FER: variants seen among roughly 807,000 people sequenced by gnomAD.
FER encodes the protein tyrosine-protein kinase Fer.
FER carries 63 observed loss-of-function variants against 111.0 expected under a neutral mutation model. That is an observed-to-expected ratio of 0.57 (90% CI 0.46 to 0.70). FER has a LOEUF of 0.70. FER is among the 30% of genes least tolerant of loss of function. The pLI, the probability that FER is intolerant of heterozygous loss-of-function variation, is 0.00. For synonymous variants in FER, 327 were observed against 313.9 expected (o/e 1.04, Z -0.44); for missense variants, 914 against 954.0 (o/e 0.96, Z 0.55).
In FER at chr5:108,844,108, A is replaced by ACATATATGTGTGTGAACATATATG. The variant is rs1554076459; in HGVS notation, c.481+8301_481+8302insCATATATGTGTGTGAACATATATG. Among the ~76,000 whole-genome samples, 93 of 92,618 alleles carry ACATATATGTGTGTGAACATATATG rather than the reference A, an allele frequency of 1.0e-3. 6 individuals are homozygous for ACATATATGTGTGTGAACATATATG. The highest frequency in any genetic ancestry group is 3.7e-3 in the African/African-American group (82 of 22,108). 60.8% of individuals were successfully genotyped at this position (92,618 alleles called of 152,430 possible). A position where few individuals can be genotyped will look rare whatever the true frequency, so the allele number is the denominator to read the frequency against. On this transcript the variant is annotated intron_variant, in intron 5 of 19. Coordinates refer to ENST00000281092, the MANE Select transcript of FER (RefSeq NM_005246.4). The stretch of plus-strand genomic sequence containing the variant: ...TGCGTGTGAACATATGTGTGTGAAC[A>ACATATATGTGTGTGAACATATATG]TGTGTGTGAACACATATATGTGTGT...
At chr5:109,009,044 CTTTTT>C (rs1030906789) in intron 13 of FER, among the ~76,000 whole-genome samples, 3 of 115,996 alleles carry the variant, frequency 2.6e-5, no homozygotes, top group Non-Finnish European at 5.1e-5. Context: ...CCTCTTCAGT[CTTTTT>C]TTTTTTTTTT....
intron 3 of FER, among the ~76,000 whole-genome samples, chr5:108,800,326 C>T (rs564271185): frequency 1.3e-5 from 2 of 152,196 alleles, no homozygotes; most frequent in Admixed American, 6.5e-5. Flanking sequence ...TGAGAACTCA[C>T]AGAAAATCAA....
At chr5:109,071,436 T>A (rs1174242954) in intron 16 of FER, among the ~76,000 whole-genome samples, 1 of 152,074 alleles carries the variant, frequency 6.6e-6, no homozygotes, top group Non-Finnish European at 1.5e-5. Context: ...CCACATGACA[T>A]CACTGGTGAT....
chr5:109,097,276 G>T (rs551506680), intron 16 of FER, among the ~76,000 whole-genome samples: 2 of 151,806 alleles, frequency 1.3e-5, no homozygotes, highest in Non-Finnish European at 1.5e-5. Context: ...TAAGAACATT[G>T]TAAGTATTGT....
intron 13 of FER, among the ~76,000 whole-genome samples, chr5:108,977,670 A>G (rs1761541581): frequency 6.6e-6 from 1 of 152,138 alleles, no homozygotes; most frequent in Non-Finnish European, 1.5e-5. Flanking sequence ...ACATATTTGG[A>G]ATGTTTATAT....
chr5:109,029,126 G>A (rs192407306), intron 13 of FER, among the ~76,000 whole-genome samples: 123 of 151,970 alleles, frequency 8.1e-4, no homozygotes, highest in African/African-American at 2.9e-3. Flanking sequence ...GAATGAAACA[G>A]ACCTACTTTG....
At chr5:108,863,266 T>A (rs1278700949) in intron 5 of FER, among the ~76,000 whole-genome samples, 1 of 152,106 alleles carries the variant, frequency 6.6e-6, no homozygotes, top group Non-Finnish European at 1.5e-5. Context: ...ACCACAGGCA[T>A]GCACCACCAC....
chr5:109,091,862 GAATA>G (rs1397124500), intron 16 of FER, among the ~76,000 whole-genome samples: 1 of 152,032 alleles, frequency 6.6e-6, no homozygotes, highest in Non-Finnish European at 1.5e-5. Flanking sequence ...CTTCAGAGGT[GAATA>G]AATAAAGAGG....
At chr5:108,865,283 A>G (rs1447878549) in intron 5 of FER, among the ~76,000 whole-genome samples, 1 of 152,166 alleles carries the variant, frequency 6.6e-6, no homozygotes, top group Non-Finnish European at 1.5e-5. Context: ...CTAAATAAAC[A>G]ATCATGTCAT....
At chr5:109,171,467 C>T (rs1438699995) in intron 17 of FER, among the ~76,000 whole-genome samples, 2 of 152,142 alleles carry the variant, frequency 1.3e-5, no homozygotes, top group Non-Finnish European at 2.9e-5. Context: ...ATTGAAAGAG[C>T]ATGGGTTATA....
At chr5:109,068,408 T>C (rs1188068513) in intron 16 of FER, among the ~76,000 whole-genome samples, 1 of 152,116 alleles carries the variant, frequency 6.6e-6, no homozygotes, top group Non-Finnish European at 1.5e-5. Context: ...GGTATCGAAC[T>C]CCTGACCTTG....
chr5:109,054,956 GCCAATA>G (rs1352978791), intron 16 of FER, among the ~76,000 whole-genome samples: 1 of 151,960 alleles, frequency 6.6e-6, no homozygotes, highest in Non-Finnish European at 1.5e-5. Context: ...TTGTCTCCAT[GCCAATA>G]CCACAATGTC....
At chr5:109,158,580 T>A (rs1433234581) in intron 17 of FER, among the ~76,000 whole-genome samples, 1 of 152,166 alleles carries the variant, frequency 6.6e-6, no homozygotes, top group Non-Finnish European at 1.5e-5. Context: ...GCTTTGATAT[T>A]CTTTTAAATC....
At chr5:108,829,258 T>C (rs967499941) in intron 3 of FER, among the ~76,000 whole-genome samples, 3 of 152,240 alleles carry the variant, frequency 2.0e-5, no homozygotes, top group African/African-American at 7.2e-5. Flanking sequence ...GCTGCTCTGC[T>C]ATTTCTGTTA....
intron 10 of FER, among the ~76,000 whole-genome samples, chr5:108,909,513 A>G (rs1327471064): frequency 6.6e-6 from 1 of 152,178 alleles, no homozygotes; most frequent in Non-Finnish European, 1.5e-5. Context: ...GGAAGGAGAA[A>G]CAACTCATTC....
At chr5:109,007,486 CT>C (rs1765654262) in intron 13 of FER, among the ~76,000 whole-genome samples, 1 of 152,180 alleles carries the variant, frequency 6.6e-6, no homozygotes, top group South Asian at 2.1e-4. Context: ...GCTACTTACC[CT>C]TTGGAAAGTG....
chr5:108,767,366 G>C (rs373469536), intron 1 of FER, among the ~76,000 whole-genome samples: 31 of 152,222 alleles, frequency 2.0e-4, no homozygotes, highest in African/African-American at 6.5e-4. Flanking sequence ...GTGTTTGCTG[G>C]GGGAATCCTT....
chr5:109,146,045 A>G (rs1209911477), intron 17 of FER, among the ~76,000 whole-genome samples: 2 of 151,242 alleles, frequency 1.3e-5, no homozygotes, highest in African/African-American at 2.4e-5. Context: ...ATACCAGGCA[A>G]CCAATAAAAA....
At chr5:108,895,876 T>C (rs1359208286) in intron 9 of FER, among the ~76,000 whole-genome samples, 1 of 152,206 alleles carries the variant, frequency 6.6e-6, no homozygotes, top group East Asian at 1.9e-4. Context: ...TTACTTGCCT[T>C]GTGCCTTGTC....
Sources: allele counts gnomAD v4.1 joint callset (sites outside exome capture counted in the v4.1 genomes callset), GRCh38; gene constraint gnomAD v4.1.1; transcripts MANE v1.5; gene names NCBI Gene and HGNC (gene_info 2026-07-23, HGNC 2026-07-21).